Variants in SPA17 observed in about 807,000 individuals in gnomAD.
The protein encoded by SPA17 is sperm surface protein Sp17.
A neutral mutation model predicts 13.8 loss-of-function variants in SPA17; 7 were observed. The observed-to-expected ratio is 0.51, with a 90% CI of 0.29 to 0.95. SPA17 has a LOEUF of 0.95. Ranked by LOEUF, SPA17 falls within the 40% of genes least tolerant of loss-of-function variation. SPA17 has a pLI of 0.08. For synonymous variants in SPA17, 61 were observed against 59.0 expected (o/e 1.03, Z -0.16); for missense variants, 170 against 179.3 (o/e 0.95, Z 0.30).
At position 124,697,139 on chromosome 11, in the gene SPA17, T is replaced by G. The variant is rs1488237619; in HGVS notation, c.*2693T>G. The G allele has an allele frequency of 6.6e-6, 1 of 152,286 alleles. No homozygotes were observed. The highest frequency in any genetic ancestry group is 1.5e-5 in the Non-Finnish European group (1 of 68,066). 9.4% of individuals were successfully genotyped at this position (152,286 alleles called of 1,614,324 possible). A position where few individuals can be genotyped will look rare whatever the true frequency, so the allele number is the denominator to read the frequency against. ...ACCGCCTTGGTCCTAGTTCCCATGATAGCCTTGTGAATTATTGCAATAACC... is the reference window on the plus strand; with the variant it reads ...ACCGCCTTGGTCCTAGTTCCCATGAGAGCCTTGTGAATTATTGCAATAACC... On this transcript the variant is annotated 3_prime_UTR_variant, in exon 5 of 5. Coordinates refer to ENST00000227135, the MANE Select transcript of SPA17 (RefSeq NM_017425.4).
intron 3 of SPA17, among the ~76,000 whole-genome samples, chr11:124,686,236 T>C (rs976842702): frequency 3.3e-5 from 5 of 151,402 alleles, no homozygotes; most frequent in African/African-American, 1.2e-4. Flanking sequence ...TTTGCCCCAC[T>C]CTCATTCTCT....
intron 2 of SPA17, 28 bp downstream of exon 2, chr11:124,675,446 T>G (rs775663223): frequency 1.2e-5 from 20 of 1,600,448 alleles, no homozygotes; most frequent in Non-Finnish European, 1.7e-5. Context: ...AGTCATTTTT[T>G]AAAATAAGAA....
chr11:124,678,303 G>C (rs892558752), intron 2 of SPA17, among the ~76,000 whole-genome samples: 12 of 152,170 alleles, frequency 7.9e-5, no homozygotes, highest in African/African-American at 2.6e-4. Flanking sequence ...AGTGAAAACA[G>C]CAAGATGGGG....
chr11:124,679,200 A>G (rs1943502629), intron 2 of SPA17, among the ~76,000 whole-genome samples: 2 of 151,882 alleles, frequency 1.3e-5, no homozygotes, highest in East Asian at 1.9e-4. Flanking sequence ...CCTAACTAGT[A>G]TAGACTGCGT....
intron 1 of SPA17, chr11:124,674,741 A>AT (rs1176255051): frequency 6.5e-6 from 1 of 153,496 alleles, no homozygotes; most frequent in Non-Finnish European, 1.4e-5. Flanking sequence ...TGTTCGAAGC[A>AT]TTGTGGGTCA....
intron 1 of SPA17, chr11:124,674,217 C>T (rs949771223): frequency 1.3e-5 from 2 of 152,220 alleles, no homozygotes; most frequent in Admixed American, 6.5e-5. Flanking sequence ...TGGTTCGATA[C>T]CCCCATCTAC....
At chr11:124,674,190 T>A (rs1185707090) in intron 1 of SPA17, 1 of 166,480 alleles carries the variant, frequency 6.0e-6, no homozygotes, top group Non-Finnish European at 1.3e-5. Flanking sequence ...TCGCCAGCTC[T>A]TTTCACCACT....
At chr11:124,694,208 A>G in intron 4 of SPA17, 95 bp from the exon 5 acceptor site, 1 of 1,456,110 alleles carries the variant, frequency 6.9e-7, no homozygotes, top group African/African-American at 1.4e-5. Context: ...AGATAGTTGC[A>G]TCCCTAAAAT....
intron 4 of SPA17, among the ~76,000 whole-genome samples, chr11:124,693,059 A>C (rs1460381578): frequency 6.6e-6 from 1 of 152,246 alleles, no homozygotes; most frequent in East Asian, 1.9e-4. Flanking sequence ...TGTAACAGGA[A>C]GTCAAGGAAG....
chr11:124,677,488 A>G (rs750793914), intron 2 of SPA17, among the ~76,000 whole-genome samples: 1 of 152,202 alleles, frequency 6.6e-6, no homozygotes, highest in African/African-American at 2.4e-5. Flanking sequence ...ACAAATTCCA[A>G]ATTAGTCGAG....
chr11:124,686,434 A>C (rs1226432129), intron 3 of SPA17, among the ~76,000 whole-genome samples: 2 of 152,250 alleles, frequency 1.3e-5, no homozygotes, highest in Non-Finnish European at 2.9e-5. Flanking sequence ...GACTTTAAAC[A>C]AATGGACCTA....
At position 124,675,222 on chromosome 11, in the gene SPA17, T is replaced by C. The variant is rs745705757; in HGVS notation, c.-27-16T>C. 17 of 1,591,664 alleles carry C rather than the reference T, an allele frequency of 1.1e-5. No homozygotes were observed. The East Asian group carries it at 3.8e-4, about 36-fold the overall frequency. On this transcript the variant is annotated splice_polypyrimidine_tract_variant and intron_variant, in intron 1 of 4. Transcript: ENST00000227135. ...TCAGACAAATTTAAAGACAGTACTC[T>C]TTAATGAATCTTTAGGTTCCATAGG...
chr11:124,689,715 T>C (rs768395743), intron 3 of SPA17, among the ~76,000 whole-genome samples: 1 of 151,042 alleles, frequency 6.6e-6, no homozygotes, highest in Non-Finnish European at 1.5e-5. Flanking sequence ...AGGTCAAGGC[T>C]GTAGTGCACT....
intron 2 of SPA17, 110 bp downstream of exon 2, chr11:124,675,528 G>C: frequency 8.4e-7 from 1 of 1,191,628 alleles, no homozygotes; most frequent in Non-Finnish European, 1.2e-6. Context: ...TATGAGGCAG[G>C]GAGTTTCAGA....
At chr11:124,675,462 G>A in intron 2 of SPA17, 44 bp downstream of exon 2, 2 of 1,591,954 alleles carry the variant, frequency 1.3e-6, no homozygotes, top group Non-Finnish European at 8.5e-7. Flanking sequence ...AAGAAACTAA[G>A]CATTTGTTTA....
At position 124,689,763 on chromosome 11, in the gene SPA17, A is replaced by AAAAAAG. The variant is rs559611979; in HGVS notation, c.226-1915_226-1910dup. The stretch of plus-strand genomic sequence containing the variant: ...ACAGAGTGAGACCCTGTCTCAAAAA[A>AAAAAAG]AAAAAGAAAAAGAAAAAGAAAAAAG... On this transcript the variant is annotated intron_variant, in intron 3 of 4. Coordinates refer to ENST00000227135, the MANE Select transcript of SPA17 (RefSeq NM_017425.4). Among the ~76,000 whole-genome samples the AAAAAAG allele has an allele frequency of 3.9e-5, 6 of 152,242 alleles. No individual in the cohort carries two copies. In the East Asian group the frequency reaches 5.8e-4, roughly 15 times the overall value.
In SPA17 at chr11:124,691,257, C is replaced by A. The variant is rs562866100; in HGVS notation, c.226-439C>A. The stretch of plus-strand genomic sequence containing the variant: ...ACTTACTTCTCTGACTAGTTTTAAT[C>A]CATAAACGTCACTAAAAAGTCAATT... On this transcript the variant is annotated intron_variant, in intron 3 of 4. Coordinates refer to ENST00000227135, the MANE Select transcript of SPA17 (RefSeq NM_017425.4). 1.2e-4 allele frequency among the ~76,000 whole-genome samples: 19 copies of A among 152,238 alleles called. No homozygotes were observed. In the South Asian group the frequency reaches 3.7e-3, roughly 30 times the overall value.
chr11:124,681,575 T>G (rs919124379), intron 3 of SPA17, 116 bp downstream of exon 3: 10 of 371,542 alleles, frequency 2.7e-5, no homozygotes, highest in Admixed American at 1.9e-4. Context: ...ACAAATAACT[T>G]ATTAAATCTT....
intron 3 of SPA17, among the ~76,000 whole-genome samples, chr11:124,685,500 G>A (rs1023504431): frequency 1.3e-5 from 2 of 152,238 alleles, no homozygotes; most frequent in South Asian, 2.1e-4. Context: ...GGAATGTGAG[G>A]TCGGAGCCCA....
Sources: allele counts gnomAD v4.1 joint callset (sites outside exome capture counted in the v4.1 genomes callset), GRCh38; gene constraint gnomAD v4.1.1; transcripts MANE v1.5; gene names NCBI Gene and HGNC (gene_info 2026-07-23, HGNC 2026-07-21).